CUL3: variants seen among roughly 807,000 people sequenced by gnomAD.
The protein encoded by CUL3 is cullin 3, also known as cullin-3.
In CUL3, 19 loss-of-function variants were observed where a neutral mutation model predicts 89.1. The ratio of observed to expected loss-of-function variants is 0.21; its 90% CI spans 0.15 to 0.31. The LOEUF (loss-of-function observed/expected upper bound fraction) is 0.31. CUL3 is among the 10% of genes least tolerant of loss of function. CUL3 has a pLI of 1.00. For missense variants in CUL3, 469 were observed against 942.3 expected, an observed-to-expected ratio of 0.50 and a Z score of 6.58; for synonymous variants, 351 against 308.4, an observed-to-expected ratio of 1.14 and a Z score of -1.45.
chr2:224,563,053 C>A (rs1694952082), intron 1 of CUL3: 1 of 354,372 alleles, frequency 2.8e-6, no homozygotes, highest in Non-Finnish European at 5.5e-6. Context: ...AAGGAAAGTG[C>A]CCAATGATAG....
rs1011667681 is a variant in CUL3 at position 224,471,469 on chromosome 2, T to C, written c.*2776A>G. On this transcript the variant is annotated 3_prime_UTR_variant, in exon 16 of 16. Transcript: ENST00000264414. ...TAATCTTAAAACTGGTTCTAGGCCT[T>C]TTCTGCTACCCAACATATCCGGTGA... The C allele has an allele frequency of 1.0e-5, 2 of 195,036 alleles. No individual in the cohort carries two copies. Among genetic ancestry groups the C allele is most frequent in the Non-Finnish European group, 2.1e-5 (2 of 93,902 alleles). 12.1% of individuals were successfully genotyped at this position (195,036 alleles called of 1,614,324 possible).
At chr2:224,497,037 G>C (rs1692195043) in intron 12 of CUL3, among the ~76,000 whole-genome samples, 2 of 151,908 alleles carry the variant, frequency 1.3e-5, no homozygotes, top group South Asian at 4.2e-4. Flanking sequence ...TATTTTTATG[G>C]GCATTTTCAG....
rs1440384770 is a variant in CUL3 at position 224,470,300 on chromosome 2, A to G, written c.*3945T>C. ...CACGTTTACTTTGAGCTGCTCATGT[A>G]TAATTTTAAAGCTATTTTTGCATGG... On this transcript the variant is annotated 3_prime_UTR_variant, in exon 16 of 16. Transcript: ENST00000264414. 2 of 225,708 alleles carry G rather than the reference A, an allele frequency of 8.9e-6. No homozygotes were observed. Among genetic ancestry groups the G allele is most frequent in the African/African-American group, 2.2e-5 (1 of 44,948 alleles). The allele number at this position is 225,708 out of a possible 1,614,324, so 14.0% of individuals were successfully genotyped here.
At chr2:224,546,219 G>C (rs190029651) in intron 2 of CUL3, among the ~76,000 whole-genome samples, 11 of 152,228 alleles carry the variant, frequency 7.2e-5, no homozygotes, top group Non-Finnish European at 5.9e-5. Flanking sequence ...CACACTGACA[G>C]AATTAATCAG....
intron 2 of CUL3, among the ~76,000 whole-genome samples, chr2:224,536,182 C>G (rs1540823): frequency 6.6e-6 from 1 of 152,030 alleles, no homozygotes; most frequent in African/African-American, 2.4e-5. Context: ...TTAACGCTAG[C>G]AATACACTTA....
intron 3 of CUL3, among the ~76,000 whole-genome samples, chr2:224,524,075 T>A (rs1216702085): frequency 6.6e-6 from 1 of 152,064 alleles, no homozygotes; most frequent in Non-Finnish European, 1.5e-5. Flanking sequence ...TTATATGTAT[T>A]TGACCACAAT....
At chr2:224,584,516 G>C (rs912349273) in intron 1 of CUL3, among the ~76,000 whole-genome samples, 6 of 152,168 alleles carry the variant, frequency 3.9e-5, no homozygotes, top group Non-Finnish European at 7.4e-5. Context: ...TAAAAGCTAG[G>C]CTGGGTAAAT....
intron 3 of CUL3, among the ~76,000 whole-genome samples, chr2:224,527,943 G>A (rs748632149): frequency 3.9e-5 from 6 of 152,168 alleles, no homozygotes; most frequent in Non-Finnish European, 2.9e-5. Context: ...CTGAGGCTAA[G>A]TACCCTGGAA....
At chr2:224,490,732 A>G (rs1370637931) in intron 13 of CUL3, among the ~76,000 whole-genome samples, 8 of 151,516 alleles carry the variant, frequency 5.3e-5, no homozygotes, top group African/African-American at 1.9e-4. Flanking sequence ...AAAGACATTT[A>G]TCACATCCCA....
At chr2:224,577,642 T>C (rs1042851305) in intron 1 of CUL3, among the ~76,000 whole-genome samples, 4 of 152,054 alleles carry the variant, frequency 2.6e-5, no homozygotes, top group Non-Finnish European at 5.9e-5. Context: ...TTAACTACTA[T>C]GCTTTCAGTC....
intron 2 of CUL3, among the ~76,000 whole-genome samples, chr2:224,543,615 C>T (rs1045723424): frequency 3.3e-5 from 5 of 152,244 alleles, no homozygotes; most frequent in South Asian, 2.1e-4. Context: ...GGTAAGCATC[C>T]TTAATCCGAA....
chr2:224,585,045 G>C lies in CUL3; in HGVS notation c.-36C>G, dbSNP rs760625569. On this transcript the variant is annotated 5_prime_UTR_variant, in exon 1 of 16. Coordinates refer to ENST00000264414, the MANE Select transcript of CUL3 (RefSeq NM_003590.5). ...CCCTCCCCGGCGGCGGCTTCAGGTC[G>C]CGCTCCGCGACGCCGGTGTCACATT... The C allele has an allele frequency of 4.8e-6, 7 of 1,463,596 alleles. No individual in the cohort carries two copies. In the South Asian group the frequency reaches 4.9e-5, roughly 10 times the overall value. 90.7% of individuals were successfully genotyped at this position (1,463,596 alleles called of 1,614,324 possible).
intron 13 of CUL3, among the ~76,000 whole-genome samples, chr2:224,489,997 C>G (rs764353032): frequency 6.6e-6 from 1 of 152,078 alleles, no homozygotes; most frequent in Non-Finnish European, 1.5e-5. Flanking sequence ...GGAACTTAAG[C>G]AAATTTACAA....
At chr2:224,509,896 A>AGAAC (rs1354442891) in intron 6 of CUL3, among the ~76,000 whole-genome samples, 2 of 152,244 alleles carry the variant, frequency 1.3e-5, no homozygotes, top group African/African-American at 4.8e-5. Context: ...TCATCGAATT[A>AGAAC]GAACCCGTGG....
Position 224,584,944 on chromosome 2 carries a change from C to G in CUL3, c.66G>C (p.Pro22=). 7 of 1,486,694 alleles carry G rather than the reference C, an allele frequency of 4.7e-6. No homozygotes were observed. Among genetic ancestry groups the G allele is most frequent in the Non-Finnish European group, 6.3e-6 (7 of 1,106,526 alleles). The allele number at this position is 1,486,694 out of a possible 1,614,324, so 92.1% of individuals were successfully genotyped here. Residue 22 remains proline (P), a splice_region_variant and synonymous_variant, in exon 1 of 16, where the codon CCG becomes CCC. Transcript: ENST00000264414. ...KDTKMRIRAF[P]MTMDEKYVNS... ...TCCCGGACGCCGAGGAGAGACTCAC[C>G]GGAAAGGCCCGGATCCGCATCTTGG...
intron 1 of CUL3, among the ~76,000 whole-genome samples, chr2:224,559,972 C>T (rs1694851429): frequency 6.6e-6 from 1 of 152,056 alleles, no homozygotes; most frequent in Non-Finnish European, 1.5e-5. Flanking sequence ...GTCCCAGCTC[C>T]TTAGTGGGGC....
Position 224,565,147 on chromosome 2 carries a change from C to G in CUL3, c.67-7291G>C, listed in dbSNP as rs1339594290. On this transcript the variant is annotated intron_variant, in intron 1 of 15. Transcript: ENST00000264414. Reference sequence around the variant, plus strand: ...CAACTACTAATAGCTTACTGTCGACCCAAAGCTTTACCAATAACATAAACA... The same window carrying G: ...CAACTACTAATAGCTTACTGTCGACGCAAAGCTTTACCAATAACATAAACA... Among the ~76,000 whole-genome samples the G allele has an allele frequency of 2.0e-5, 3 of 152,056 alleles. 1 individual carries two copies. Among genetic ancestry groups the G allele is most frequent in the Non-Finnish European group, 4.4e-5 (3 of 68,020 alleles).
At chr2:224,541,084 T>C (rs1256994392) in intron 2 of CUL3, among the ~76,000 whole-genome samples, 1 of 151,954 alleles carries the variant, frequency 6.6e-6, no homozygotes, top group Non-Finnish European at 1.5e-5. Context: ...ACCAAAAGCA[T>C]AATTTATAAA....
At chr2:224,529,159 TTG>T (rs1693593674) in intron 3 of CUL3, among the ~76,000 whole-genome samples, 1 of 152,124 alleles carries the variant, frequency 6.6e-6, no homozygotes, top group African/African-American at 2.4e-5. Context: ...TACTTATGGA[TTG>T]TATCAATAAT....
Sources: gnomAD v4.1 joint callset for allele counts (sites outside exome capture counted in the v4.1 genomes callset) on GRCh38, gnomAD v4.1.1 for gene constraint, MANE v1.5 for transcripts, NCBI Gene and HGNC (gene_info 2026-07-23, HGNC 2026-07-21) for gene names.